LARS2: variants seen among roughly 807,000 people sequenced by gnomAD.
LARS2 encodes leucyl-tRNA synthetase 2, mitochondrial.
Under a neutral mutation model 116.6 loss-of-function variants are expected in LARS2, and 81 were observed. The observed-to-expected ratio is 0.69, with a 90% CI of 0.58 to 0.84. The LOEUF (loss-of-function observed/expected upper bound fraction) is 0.84. Ranked by LOEUF, LARS2 falls within the 40% of genes least tolerant of loss-of-function variation. LARS2 has a pLI of 0.00. For missense variants in LARS2, 968 were observed against 1,114.5 expected (o/e 0.87, Z 1.87); for synonymous variants, 396 against 407.2 (o/e 0.97, Z 0.33).
At chr3:45,406,742 G>C (rs1698239152) in intron 4 of LARS2, among the ~76,000 whole-genome samples, 1 of 152,204 alleles carries the variant, frequency 6.6e-6, no homozygotes, top group African/African-American at 2.4e-5. Context: ...AATAAAAAGA[G>C]AGTCCTGAGG....
chr3:45,516,294 T>A lies in LARS2; in HGVS notation c.2044+18T>A. The A allele has an allele frequency of 6.2e-7, 1 of 1,606,934 alleles. No individual in the cohort carries two copies. The highest frequency in any genetic ancestry group is 8.5e-7 in the Non-Finnish European group (1 of 1,175,646). ...TGTGAAAAGTAAGTCACCTTCCTCTTCCTGACTTGCTTCCTTTGTGATCTG... is the reference window on the plus strand; with the variant it reads ...TGTGAAAAGTAAGTCACCTTCCTCTACCTGACTTGCTTCCTTTGTGATCTG... On this transcript the variant is annotated intron_variant, in intron 17 of 21. Transcript: ENST00000645846.
chr3:45,399,946 C>A (rs777403162), intron 3 of LARS2, among the ~76,000 whole-genome samples: 19 of 151,688 alleles, frequency 1.3e-4, no homozygotes, highest in Admixed American at 4.6e-4. Flanking sequence ...CAGGTCACTG[C>A]AAATACTGTT....
intron 4 of LARS2, among the ~76,000 whole-genome samples, chr3:45,411,219 G>A (rs920456345): frequency 6.6e-6 from 1 of 152,158 alleles, no homozygotes; most frequent in Non-Finnish European, 1.5e-5. Context: ...TTGCAGCCGA[G>A]GCCCTGACTC....
intron 8 of LARS2, 140 bp downstream of exon 8, chr3:45,459,026 C>A: frequency 1.3e-6 from 1 of 791,000 alleles, no homozygotes; most frequent in Non-Finnish European, 2.0e-6. Flanking sequence ...AGACAGGAAG[C>A]AGCTGAGCCT....
rs1699797511 is a variant in LARS2 at position 45,485,771 on chromosome 3, G to A, written c.1098G>A (p.Leu366=). 6.2e-7 allele frequency: 1 copy of A among 1,610,204 alleles called. No individual in the cohort carries two copies. Among genetic ancestry groups the A allele is most frequent in the Non-Finnish European group, 8.5e-7 (1 of 1,177,434 alleles). Residue 366 remains leucine (L), a synonymous_variant, in exon 11 of 22, where the codon TTG becomes TTA. Transcript: ENST00000645846. ...VPVVILAKAD[L]EGSLDSKIGI... ...TCGTTATTTTGGCCAAAGCTGACTT[G>A]GAAGGCTCTCTGGATTCAAAAATAG...
At chr3:45,503,947 G>C (rs1454866240) in intron 15 of LARS2, among the ~76,000 whole-genome samples, 1 of 151,868 alleles carries the variant, frequency 6.6e-6, no homozygotes, top group African/African-American at 2.4e-5. Context: ...AAAATATTTT[G>C]CCTATCCCCA....
At chr3:45,498,193 C>T (rs11721185) in intron 14 of LARS2, among the ~76,000 whole-genome samples, 2 of 152,056 alleles carry the variant, frequency 1.3e-5, no homozygotes, top group African/African-American at 4.8e-5. Context: ...GTTACCGTGG[C>T]GGGAGAGACA....
chr3:45,466,578 G>A (rs1161319161), intron 8 of LARS2, among the ~76,000 whole-genome samples: 1 of 152,090 alleles, frequency 6.6e-6, no homozygotes, highest in Non-Finnish European at 1.5e-5. Context: ...TTCCCAGGGG[G>A]CTGATTGCCA....
intron 8 of LARS2, among the ~76,000 whole-genome samples, chr3:45,472,038 TTAC>T (rs1699537181): frequency 6.6e-6 from 1 of 152,210 alleles, no homozygotes; most frequent in Non-Finnish European, 1.5e-5. Context: ...CAACATAAAG[TTAC>T]TCTGATTAAC....
At chr3:45,522,903 T>A (rs1475206821) in intron 19 of LARS2, among the ~76,000 whole-genome samples, 1 of 151,718 alleles carries the variant, frequency 6.6e-6, no homozygotes, top group African/African-American at 2.4e-5. Context: ...AAAAAAAAAA[T>A]TAATTTTTAA....
At chr3:45,473,417 C>T (rs1699560231) in intron 8 of LARS2, among the ~76,000 whole-genome samples, 1 of 150,804 alleles carries the variant, frequency 6.6e-6, no homozygotes, top group African/African-American at 2.4e-5. Flanking sequence ...CAGAGTCTTG[C>T]TCTGTCACCC....
intron 19 of LARS2, 26 bp downstream of exon 19, chr3:45,520,322 G>A (rs760498102): frequency 6.3e-7 from 1 of 1,577,858 alleles, no homozygotes; most frequent in Non-Finnish European, 8.7e-7. Flanking sequence ...TCATTTGCTG[G>A]TAGCAGAGGA....
rs1447995704 is a variant in LARS2, at chr3:45,547,407, G to A, written c.2589G>A (p.Gln863=). The A allele has an allele frequency of 6.2e-7, 1 of 1,613,662 alleles. No individual in the cohort carries two copies. Among genetic ancestry groups the A allele is most frequent in the East Asian group, 2.2e-5 (1 of 44,838 alleles). The change falls in exon 22 of 22, where the codon CAG becomes CAA. Residue 863 remains glutamine, a synonymous_variant. Coordinates refer to ENST00000645846, the MANE Select transcript of LARS2 (RefSeq NM_015340.4). ...IPVPQQVARD[Q]DKVHEFVLQS... Reference sequence around the variant, plus strand: ...TGCCCCAACAAGTTGCCCGGGACCAGGACAAAGTCCACGAATTTGTTCTTC... The same window carrying A: ...TGCCCCAACAAGTTGCCCGGGACCAAGACAAAGTCCACGAATTTGTTCTTC...
intron 10 of LARS2, chr3:45,484,060 A>T (rs1575283311): frequency 7.5e-6 from 1 of 132,506 alleles, no homozygotes; most frequent in South Asian, 2.5e-4. Context: ...AAAAAAAATT[A>T]GCTGGGTTTG....
At chr3:45,542,701 A>AT (rs1369368896) in intron 21 of LARS2, among the ~76,000 whole-genome samples, 1 of 152,066 alleles carries the variant, frequency 6.6e-6, no homozygotes, top group Non-Finnish European at 1.5e-5. Context: ...TGCCATTCTC[A>AT]TTTTTTCAGT....
intron 7 of LARS2, among the ~76,000 whole-genome samples, chr3:45,457,860 G>A (rs1699239228): frequency 1.3e-5 from 2 of 152,136 alleles, no homozygotes; most frequent in Non-Finnish European, 2.9e-5. Flanking sequence ...AACTCTATGA[G>A]ATAATGAATC....
chr3:45,513,295 G>GT, intron 16 of LARS2, 60 bp downstream of exon 16: 1 of 1,089,134 alleles, frequency 9.2e-7, no homozygotes, highest in Non-Finnish European at 1.4e-6. Context: ...CCAGGCCTGA[G>GT]AGCTACTGAG....
At chr3:45,542,749 C>T (rs1031423231) in intron 21 of LARS2, among the ~76,000 whole-genome samples, 1 of 152,218 alleles carries the variant, frequency 6.6e-6, no homozygotes, top group African/African-American at 2.4e-5. Flanking sequence ...GTCCACCTTG[C>T]CCAGGTTTAT....
intron 6 of LARS2, among the ~76,000 whole-genome samples, chr3:45,433,869 G>A (rs1698760830): frequency 6.6e-6 from 1 of 152,074 alleles, no homozygotes; most frequent in Non-Finnish European, 1.5e-5. Flanking sequence ...CAAGAGATAT[G>A]GAATTTTGGG....
Sources: gnomAD v4.1 joint callset for allele counts (sites outside exome capture counted in the v4.1 genomes callset) on GRCh38, gnomAD v4.1.1 for gene constraint, MANE v1.5 for transcripts, NCBI Gene and HGNC (gene_info 2026-07-23, HGNC 2026-07-21) for gene names.